The following HELQ variants were observed in gnomAD, a reference collection of about 807,000 sequenced individuals.
The protein encoded by HELQ is helicase, POLQ like.
A neutral mutation model predicts 111.6 loss-of-function variants in HELQ; 77 were observed. The observed-to-expected ratio is 0.69, with a 90% CI of 0.57 to 0.83. HELQ has a LOEUF of 0.83. Among genes scored for constraint, HELQ ranks in the 40% least tolerant of loss-of-function variants. HELQ has a pLI of 0.00. For synonymous variants in HELQ, 438 were observed against 454.7 expected (o/e 0.96, Z 0.47); for missense variants, 1,200 against 1,288.5 (o/e 0.93, Z 1.05).
rs774716869 is a variant in HELQ at position 83,453,451 on chromosome 4, A to G, written c.792T>C (p.Ser264=). 1.9e-6 allele frequency: 3 copies of G among 1,605,180 alleles called. No individual in the cohort carries two copies. The highest frequency in any genetic ancestry group is 2.5e-6 in the Non-Finnish European group (3 of 1,177,566). Residue 264 remains serine (S), a synonymous_variant, in exon 2 of 18, where the codon AGT becomes AGC. Transcript: ENST00000295488. Reference sequence around the variant, plus strand: ...TGGCATTTTTTAGATGATCTTTAATACTTTTTCTCCTGTTCATATCTGAAC... The same window carrying G: ...TGGCATTTTTTAGATGATCTTTAATGCTTTTTCTCCTGTTCATATCTGAAC... ...RTSSDMNRRK[S]IKDHLKNAMT...
At chr4:83,447,530 T>C (rs1049284458) in intron 3 of HELQ, among the ~76,000 whole-genome samples, 1 of 152,112 alleles carries the variant, frequency 6.6e-6, no homozygotes, top group Non-Finnish European at 1.5e-5. Flanking sequence ...ACTTCTAAAA[T>C]ACATGTGAAA....
intron 12 of HELQ, among the ~76,000 whole-genome samples, chr4:83,429,282 G>A (rs772384734): frequency 1.4e-4 from 22 of 152,064 alleles, no homozygotes; most frequent in Non-Finnish European, 2.9e-4. Flanking sequence ...GAGTAGCTGG[G>A]ACTACAGGCA....
At chr4:83,432,078 C>T (rs370681054) in intron 10 of HELQ, 48 bp downstream of exon 10, 9 of 1,346,076 alleles carry the variant, frequency 6.7e-6, no homozygotes, top group Middle Eastern at 1.8e-4. Flanking sequence ...GCTAGACCAA[C>T]AACCAAGAAA....
At chr4:83,420,116 A>AAT (rs1739588862) in intron 15 of HELQ, among the ~76,000 whole-genome samples, 1 of 152,236 alleles carries the variant, frequency 6.6e-6, no homozygotes, top group Admixed American at 6.5e-5. Context: ...CTTATATTAT[A>AAT]AACACATAAA....
intron 12 of HELQ, among the ~76,000 whole-genome samples, chr4:83,428,833 A>G (rs1052837345): frequency 6.6e-6 from 1 of 152,080 alleles, no homozygotes; most frequent in Non-Finnish European, 1.5e-5. Context: ...AGAATAATAT[A>G]AATGATTATT....
chr4:83,437,372 G>C (rs1489076169), intron 8 of HELQ, among the ~76,000 whole-genome samples: 1 of 151,996 alleles, frequency 6.6e-6, no homozygotes, highest in Admixed American at 6.6e-5. Context: ...CAGCACTTTG[G>C]GAGGTAGAGG....
At chr4:83,451,924 T>C (rs1195928830) in intron 2 of HELQ, among the ~76,000 whole-genome samples, 1 of 152,214 alleles carries the variant, frequency 6.6e-6, no homozygotes, top group African/African-American at 2.4e-5. Flanking sequence ...CCAACCTGAT[T>C]GTCTTCTCTG....
intron 9 of HELQ, among the ~76,000 whole-genome samples, chr4:83,432,800 A>G (rs1172824290): frequency 1.3e-5 from 2 of 152,148 alleles, no homozygotes; most frequent in Non-Finnish European, 2.9e-5. Flanking sequence ...TAATCCCAGC[A>G]CTTTGGAGGG....
intron 8 of HELQ, 74 bp downstream of exon 8, chr4:83,439,789 G>T (rs1720672380): frequency 6.1e-6 from 6 of 991,710 alleles, no homozygotes; most frequent in East Asian, 2.6e-5. Context: ...ATTAGTGTTT[G>T]CCCAATAAAA....
intron 17 of HELQ, among the ~76,000 whole-genome samples, chr4:83,408,989 G>C (rs1249949932): frequency 6.6e-6 from 1 of 152,116 alleles, no homozygotes; most frequent in African/African-American, 2.4e-5. Flanking sequence ...GGGTGAAAAG[G>C]GAGGTGCCTT....
chr4:83,453,197 A>G (rs1560561226), intron 2 of HELQ, 34 bp downstream of exon 2: 1 of 1,396,868 alleles, frequency 7.2e-7, no homozygotes, highest in Non-Finnish European at 1.0e-6. Flanking sequence ...TAATGATAGG[A>G]AAAAAATTTT....
intron 1 of HELQ, 115 bp from the exon 2 acceptor site, chr4:83,454,060 C>T (rs563731099): frequency 2.3e-5 from 16 of 697,104 alleles, no homozygotes; most frequent in African/African-American, 1.4e-4. Context: ...AAAAATTAGC[C>T]GGGCATAGTG....
chr4:83,453,970 T>C lies in HELQ; in HGVS notation c.298-25A>G, dbSNP rs199551612. 1.6e-5 allele frequency: 22 copies of C among 1,339,888 alleles called. No homozygotes were observed. The African/African-American group carries it at 2.3e-4, about 14-fold the overall frequency. The allele number at this position is 1,339,888 out of a possible 1,614,324, so 83.0% of individuals were successfully genotyped here. A position where few individuals can be genotyped will look rare whatever the true frequency, so the allele number is the denominator to read the frequency against. On this transcript the variant is annotated intron_variant, in intron 1 of 17. Transcript: ENST00000295488. ...GCTGCAAAGAGAACAAAAACGCTTA[T>C]GGTCAATTCCAGTTTCATTAAGAAT...
chr4:83,432,375 AAAT>A, intron 9 of HELQ, 108 bp from the exon 10 acceptor site: 2 of 687,154 alleles, frequency 2.9e-6, no homozygotes, highest in Non-Finnish European at 4.2e-6. Context: ...TACTAACACA[AAAT>A]AATAGGTAAC....
chr4:83,437,609 A>AG (rs1178979054), intron 8 of HELQ, among the ~76,000 whole-genome samples: 11 of 151,714 alleles, frequency 7.3e-5, no homozygotes, highest in African/African-American at 2.7e-4. Context: ...TGTCTAAAAA[A>AG]AAAAAAAAAA....
intron 8 of HELQ, among the ~76,000 whole-genome samples, chr4:83,437,377 T>C (rs968306615): frequency 1.3e-5 from 2 of 151,238 alleles, no homozygotes; most frequent in African/African-American, 2.4e-5. Flanking sequence ...CTTTGGGAGG[T>C]AGAGGCAGAA....
rs2110018164 is a variant in HELQ, at chr4:83,453,565, G to A, written c.678C>T (p.Ser226=). ...HSMKERDWKS[S]SHNTVNEELP... Reference sequence around the variant, plus strand: ...GTTCCTCATTCACAGTGTTGTGAGAGGATGACTTCCAATCCCTTTCTTTCA... The same window carrying A: ...GTTCCTCATTCACAGTGTTGTGAGAAGATGACTTCCAATCCCTTTCTTTCA... The change falls in exon 2 of 18, where the codon TCC becomes TCT. Residue 226 remains serine, a synonymous_variant. Coordinates refer to ENST00000295488, the MANE Select transcript of HELQ (RefSeq NM_133636.5). 1 of 1,613,252 alleles carries A rather than the reference G, an allele frequency of 6.2e-7. No individual in the cohort carries two copies. The highest frequency in any genetic ancestry group is 1.1e-5 in the South Asian group (1 of 90,976).
intron 17 of HELQ, among the ~76,000 whole-genome samples, chr4:83,410,209 A>G (rs551661640): frequency 3.5e-4 from 54 of 152,156 alleles, no homozygotes; most frequent in Admixed American, 9.2e-4. Flanking sequence ...TGATGGTGCT[A>G]CTGCACTCTA....
At chr4:83,411,249 G>C (rs1265998428) in intron 17 of HELQ, among the ~76,000 whole-genome samples, 2 of 148,860 alleles carry the variant, frequency 1.3e-5, no homozygotes, top group South Asian at 2.1e-4. Context: ...TATTATACTA[G>C]ATTGAATAAA....
Sources: allele counts gnomAD v4.1 joint callset (sites outside exome capture counted in the v4.1 genomes callset), GRCh38; gene constraint gnomAD v4.1.1; transcripts MANE v1.5; gene names NCBI Gene and HGNC (gene_info 2026-07-23, HGNC 2026-07-21).